The following KIAA0319L variants were observed in gnomAD, a reference collection of about 807,000 sequenced individuals.
KIAA0319L encodes dyslexia-associated protein KIAA0319-like protein.
A neutral mutation model predicts 120.1 loss-of-function variants in KIAA0319L; 55 were observed. That is an observed-to-expected ratio of 0.46 (90% CI 0.37 to 0.57). The LOEUF (loss-of-function observed/expected upper bound fraction) is 0.57, where lower values mean the gene tolerates loss of function less well. Ranked by LOEUF, KIAA0319L falls within the 20% of genes least tolerant of loss-of-function variation. KIAA0319L has a pLI of 0.00. For missense variants in KIAA0319L, 1,049 were observed against 1,255.3 expected (o/e 0.84, Z 2.48); for synonymous variants, 398 against 471.9 (o/e 0.84, Z 2.03).
chr1:35,453,290 C>T lies in KIAA0319L; in HGVS notation c.1913+267G>A, dbSNP rs77100767. On this transcript the variant is annotated intron_variant, in intron 12 of 20. Transcript: ENST00000325722. This position sits in a 1 kb window ranked among gnomAD's most constrained non-coding sequence, Gnocchi z 4.1. Reference sequence around the variant, plus strand: ...TCAAGTGTAATTAAACTCTGCATTTCAGCAGATGGATTGTACCTGAAAAAG... The same window carrying T: ...TCAAGTGTAATTAAACTCTGCATTTTAGCAGATGGATTGTACCTGAAAAAG... Among the ~76,000 whole-genome samples, 3,253 of 152,296 alleles carry T rather than the reference C, an allele frequency of 0.021. 108 individuals are homozygous for T. The highest frequency in any genetic ancestry group is 0.073 in the African/African-American group (3,029 of 41,548).
intron 2 of KIAA0319L, chr1:35,510,480 A>G (rs144401169): frequency 6.6e-6 from 1 of 152,170 alleles, no homozygotes; most frequent in East Asian, 1.9e-4. Flanking sequence ...TCATCAGAGA[A>G]TTCATACAGT....
intron 5 of KIAA0319L, 133 bp from the exon 6 acceptor site, chr1:35,471,093 T>C (rs1266848721): frequency 1.7e-5 from 11 of 643,702 alleles, no homozygotes; most frequent in Admixed American, 5.1e-5. Context: ...CCCCAAAGCC[T>C]GTAGGGAAAC....
chr1:35,474,036 C>T (rs767701579), intron 5 of KIAA0319L, among the ~76,000 whole-genome samples: 2 of 152,176 alleles, frequency 1.3e-5, no homozygotes, highest in Non-Finnish European at 2.9e-5. Context: ...ATCATCCATA[C>T]TTTATATATT....
At position 35,453,470 on chromosome 1, in the gene KIAA0319L, GCAACT is replaced by G; in HGVS notation, c.1913+82_1913+86del. ...CACCCCACTGGATAAGCCAATAAGA[GCAACT>G]CAACTCATAATAGCAAATAAAACCT... On this transcript the variant is annotated intron_variant, in intron 12 of 20. Transcript: ENST00000325722. The surrounding 1 kb of genome is among the most constrained non-coding windows in gnomAD (Gnocchi z 4.1). 7.7e-7 allele frequency: 1 copy of G among 1,303,018 alleles called. No individual in the cohort carries two copies. The highest frequency in any genetic ancestry group is 1.1e-6 in the Non-Finnish European group (1 of 922,146). 80.7% of individuals were successfully genotyped at this position (1,303,018 alleles called of 1,614,324 possible).
At position 35,506,813 on chromosome 1, in the gene KIAA0319L, A is replaced by G; in HGVS notation, c.465T>C (p.Gly155=). 1 of 1,614,196 alleles carries G rather than the reference A, an allele frequency of 6.2e-7. No homozygotes were observed. Among genetic ancestry groups the G allele is most frequent in the South Asian group, 1.1e-5 (1 of 91,084 alleles). ...EDDVPHLLGL[G]WNWASWRQSP... ...TCTGCCTCCAAGATGCCCAGTTCCA[A>G]CCTAGCCCCAGAAGATGTGGTACAT... Residue 155 remains glycine (G), a synonymous_variant, in exon 3 of 21, where the codon GGT becomes GGC. Coordinates refer to ENST00000325722, the MANE Select transcript of KIAA0319L (RefSeq NM_024874.5). This position sits in a 1 kb window ranked among gnomAD's most constrained non-coding sequence, Gnocchi z 4.0.
chr1:35,448,059 T>TAGA, intron 16 of KIAA0319L, 114 bp downstream of exon 16: 1 of 1,010,654 alleles, frequency 9.9e-7, no homozygotes, highest in Non-Finnish European at 1.5e-6. Context: ...AACATGAGTG[T>TAGA]TTCTGGTCAG....
chr1:35,450,475 C>T lies in KIAA0319L; in HGVS notation c.2097G>A (p.Gly699=). 1 of 1,613,904 alleles carries T rather than the reference C, an allele frequency of 6.2e-7. No individual in the cohort carries two copies. Among genetic ancestry groups the T allele is most frequent in the Non-Finnish European group, 8.5e-7 (1 of 1,179,804 alleles). The part of the protein sequence containing the change: ...INKPPIAKIT[G]NVVITLPTST... Reference sequence around the variant, plus strand: ...TCGTGGGTAGGGTAATCACCACATTCCCAGTTATCTTGGCTATAGGTGGTT... The same window carrying T: ...TCGTGGGTAGGGTAATCACCACATTTCCAGTTATCTTGGCTATAGGTGGTT... Residue 699 remains glycine, a synonymous_variant, in exon 14 of 21, where the codon GGG becomes GGA. Coordinates refer to ENST00000325722, the MANE Select transcript of KIAA0319L (RefSeq NM_024874.5).
intron 3 of KIAA0319L, among the ~76,000 whole-genome samples, chr1:35,500,121 G>C (rs1326102559): frequency 1.3e-5 from 2 of 152,208 alleles, no homozygotes; most frequent in Non-Finnish European, 2.9e-5. Flanking sequence ...CTGTTAGAGA[G>C]AACAACACTT....
At chr1:35,449,330 C>T (rs1190066345) in intron 15 of KIAA0319L, among the ~76,000 whole-genome samples, 2 of 152,164 alleles carry the variant, frequency 1.3e-5, no homozygotes, top group Non-Finnish European at 2.9e-5. Flanking sequence ...AAAATAAAAA[C>T]ATGGTTCTAT....
intron 13 of KIAA0319L, 53 bp downstream of exon 13, chr1:35,451,574 CT>C: frequency 1.0e-5 from 16 of 1,549,766 alleles, no homozygotes; most frequent in Non-Finnish European, 1.4e-5. Context: ...AGGATAAATT[CT>C]TCAGCTATCT....
chr1:35,492,843 G>A (rs1490331825), intron 3 of KIAA0319L, among the ~76,000 whole-genome samples: 1 of 152,074 alleles, frequency 6.6e-6, no homozygotes, highest in Non-Finnish European at 1.5e-5. Context: ...CTAACATGTA[G>A]ACTTTCGCCA....
chr1:35,514,768 G>A (rs1645612132), intron 2 of KIAA0319L, among the ~76,000 whole-genome samples: 1 of 152,106 alleles, frequency 6.6e-6, no homozygotes, highest in Non-Finnish European at 1.5e-5. Context: ...ACAAAGAAAC[G>A]TGGACTCCCA....
intron 2 of KIAA0319L, among the ~76,000 whole-genome samples, chr1:35,526,861 G>C (rs1372162904): frequency 2.0e-5 from 3 of 152,092 alleles, no homozygotes; most frequent in Admixed American, 2.0e-4. Flanking sequence ...AGGGTCACAT[G>C]AGGCCAGGAG....
chr1:35,494,605 C>A (rs1000936507), intron 3 of KIAA0319L, among the ~76,000 whole-genome samples: 3 of 150,406 alleles, frequency 2.0e-5, no homozygotes, highest in African/African-American at 7.4e-5. Flanking sequence ...GACCAGCCTG[C>A]GCAACATGGT....
Position 35,460,325 on chromosome 1 carries a change from G to T in KIAA0319L, c.1407C>A (p.Val469=). The change falls in exon 9 of 21, where the codon GTC becomes GTA. Residue 469 remains valine (V), a synonymous_variant. Coordinates refer to ENST00000325722, the MANE Select transcript of KIAA0319L (RefSeq NM_024874.5). The stretch of plus-strand genomic sequence containing the variant: ...TTTACCTGAAAGTGTAGTTCCCAGG[G>T]ACGAGTTTACTTAGTTTTAATATGG... ...DTAILKLSKL[V]PGNYTFSLTV... is the part of the protein sequence containing the mutation. 1 of 1,612,676 alleles carries T rather than the reference G, an allele frequency of 6.2e-7. No individual in the cohort carries two copies. The highest frequency in any genetic ancestry group is 8.5e-7 in the Non-Finnish European group (1 of 1,179,426).
intron 3 of KIAA0319L, among the ~76,000 whole-genome samples, chr1:35,494,189 C>T (rs942460726): frequency 6.6e-6 from 1 of 152,144 alleles, no homozygotes; most frequent in Non-Finnish European, 1.5e-5. Flanking sequence ...TGGCTCACAC[C>T]GGTAATCCCA....
Position 35,456,164 on chromosome 1 carries a change from G to T in KIAA0319L, c.1505C>A (p.Pro502His). ...GTTGGGGCCTGCGTTGGCCACAGGG[G>T]GGTAATCCACAGCTTTGTTCACTGT... is the stretch of plus-strand genomic sequence containing the variant. ...NLTVNKAVDY[P>H]PVANAGPNQV... is the part of the protein sequence containing the mutation. The change falls in exon 10 of 21, where the codon CCC (proline) becomes CAC (histidine). Residue 502 changes from proline (P) to histidine (H), a missense_variant. Physicochemically the swap from Pro to His is moderately conservative, Grantham distance 77. Transcript: ENST00000325722. 2 of 1,613,656 alleles carry T rather than the reference G, an allele frequency of 1.2e-6. No individual in the cohort carries two copies. Among genetic ancestry groups the T allele is most frequent in the Non-Finnish European group, 1.7e-6 (2 of 1,179,756 alleles).
chr1:35,550,189 A>G (rs1480127477), intron 2 of KIAA0319L, among the ~76,000 whole-genome samples: 1 of 152,280 alleles, frequency 6.6e-6, no homozygotes, highest in East Asian at 1.9e-4. Context: ...AAAGCTCACC[A>G]TGTCTAAGTC....
chr1:35,496,983 A>G (rs1179420870), intron 3 of KIAA0319L, among the ~76,000 whole-genome samples: 2 of 151,154 alleles, frequency 1.3e-5, no homozygotes, highest in African/African-American at 2.4e-5. Flanking sequence ...AGCTACTGGC[A>G]TATGTTATGA....
Sources: allele counts gnomAD v4.1 joint callset (sites outside exome capture counted in the v4.1 genomes callset), GRCh38; gene constraint gnomAD v4.1.1; non-coding constraint Gnocchi (gnomAD v3.1); transcripts MANE v1.5; gene names NCBI Gene and HGNC (gene_info 2026-07-23, HGNC 2026-07-21).